PPARGC1A: variants seen among roughly 807,000 people sequenced by gnomAD.
PPARGC1A encodes the protein PPARG coactivator 1 alpha.
A neutral mutation model predicts 88.7 loss-of-function variants in PPARGC1A; 25 were observed. The observed-to-expected ratio is 0.28, with a 90% CI of 0.21 to 0.39. PPARGC1A has a LOEUF of 0.39. Among genes scored for constraint, PPARGC1A ranks in the 10% least tolerant of loss-of-function variants. The pLI is 1.00. For synonymous variants in PPARGC1A, 363 were observed against 355.6 expected, an observed-to-expected ratio of 1.02 and a Z score of -0.24; for missense variants, 880 against 968.7, an observed-to-expected ratio of 0.91 and a Z score of 1.22.
chr4:24,371,587 G>A, the PPARGC1A span, among the ~76,000 whole-genome samples: 1 of 152,036 alleles, frequency 6.6e-6, no homozygotes, highest in African/African-American at 2.4e-5. Flanking sequence ...GGGGGTGAGG[G>A]GAGAGTCCCT....
chr4:23,943,502 G>A, the PPARGC1A span, among the ~76,000 whole-genome samples: 30 of 150,928 alleles, frequency 2.0e-4, no homozygotes, highest in African/African-American at 6.8e-4. Context: ...ATGTGACATT[G>A]CCTGTAATAG....
At chr4:24,250,487 C>CGTA in the PPARGC1A span, among the ~76,000 whole-genome samples, 1 of 152,142 alleles carries the variant, frequency 6.6e-6, no homozygotes, top group Non-Finnish European at 1.5e-5. Flanking sequence ...AAAATGCCAT[C>CGTA]TACAGTATTA....
chr4:24,437,639 T>G, the PPARGC1A span, among the ~76,000 whole-genome samples: 2 of 142,880 alleles, frequency 1.4e-5, no homozygotes, highest in African/African-American at 2.6e-5. Flanking sequence ...TGTTGTTGTT[T>G]TAGTTTTGGT....
chr4:24,377,723 T>G, the PPARGC1A span, among the ~76,000 whole-genome samples: 1 of 152,156 alleles, frequency 6.6e-6, no homozygotes, highest in South Asian at 2.1e-4. Flanking sequence ...ATGTCAGTAA[T>G]AGGTATGTAA....
the PPARGC1A span, among the ~76,000 whole-genome samples, chr4:24,081,300 G>T: frequency 6.6e-6 from 1 of 152,116 alleles, no homozygotes; most frequent in African/African-American, 2.4e-5. Context: ...TAAGGCAAAA[G>T]GTGGGGTTAA....
chr4:24,132,466 A>G, the PPARGC1A span, among the ~76,000 whole-genome samples: 1 of 152,196 alleles, frequency 6.6e-6, no homozygotes, highest in Non-Finnish European at 1.5e-5. Flanking sequence ...AGAACTCTCG[A>G]GTAATACAGC....
the PPARGC1A span, among the ~76,000 whole-genome samples, chr4:24,163,259 T>G: frequency 6.7e-6 from 1 of 148,358 alleles, no homozygotes; most frequent in African/African-American, 2.5e-5. Context: ...AGTAAGAGAG[T>G]TTATCAATTC....
At chr4:23,931,511 G>A in the PPARGC1A span, among the ~76,000 whole-genome samples, 1 of 151,836 alleles carries the variant, frequency 6.6e-6, no homozygotes, top group Admixed American at 6.6e-5. Context: ...GGAGAATAAA[G>A]AAAGAATAGT....
chr4:23,987,557 G>A, the PPARGC1A span, among the ~76,000 whole-genome samples: 41 of 151,856 alleles, frequency 2.7e-4, no homozygotes, highest in Non-Finnish European at 5.6e-4. Flanking sequence ...CTGTGTCACT[G>A]CTTCCTGGAA....
At chr4:24,069,431 A>G in the PPARGC1A span, among the ~76,000 whole-genome samples, 1,050 of 152,332 alleles carry the variant, frequency 6.9e-3, 12 homozygotes, top group African/African-American at 0.024. Context: ...ACTTTTCTAG[A>G]CATTGAGTCT....
At chr4:24,368,494 G>A in the PPARGC1A span, among the ~76,000 whole-genome samples, 1 of 152,010 alleles carries the variant, frequency 6.6e-6, no homozygotes, top group African/African-American at 2.4e-5. Flanking sequence ...ATCCTTGTCT[G>A]AAGCTGGGTA....
the PPARGC1A span, among the ~76,000 whole-genome samples, chr4:24,430,082 T>C: frequency 6.6e-6 from 1 of 152,022 alleles, no homozygotes; most frequent in African/African-American, 2.4e-5. Flanking sequence ...GTGAAAGAAT[T>C]TAGATTATCC....
the PPARGC1A span, among the ~76,000 whole-genome samples, chr4:24,018,294 TTTC>T: frequency 6.6e-6 from 1 of 152,190 alleles, no homozygotes; most frequent in Non-Finnish European, 1.5e-5. Context: ...CAGGTACAGT[TTTC>T]TTTTTTCTTT....
chr4:24,171,187 G>A, the PPARGC1A span, among the ~76,000 whole-genome samples: 11 of 152,072 alleles, frequency 7.2e-5, no homozygotes, highest in East Asian at 1.9e-4. Flanking sequence ...TGAGACCGGC[G>A]GATCGGTCAA....
intron 2 of PPARGC1A, among the ~76,000 whole-genome samples, chr4:23,833,896 G>A (rs1373953120): frequency 6.6e-6 from 1 of 152,224 alleles, no homozygotes; most frequent in Non-Finnish European, 1.5e-5. Flanking sequence ...AGGGCACGGT[G>A]GCTCATGCCT....
chr4:23,997,098 G>A, the PPARGC1A span, among the ~76,000 whole-genome samples: 831 of 152,264 alleles, frequency 5.5e-3, 11 homozygotes, highest in African/African-American at 0.019. Context: ...GTTAAGATTT[G>A]AGTGTGCATA....
At chr4:23,910,371 T>TATATTATATATATTATA in the PPARGC1A span, among the ~76,000 whole-genome samples, 2 of 97,548 alleles carry the variant, frequency 2.1e-5, no homozygotes, top group Non-Finnish European at 3.8e-5. Context: ...ATATATTATA[T>TATATTATATATATTATA]TATATTATAT....
At chr4:24,065,117 C>T in the PPARGC1A span, among the ~76,000 whole-genome samples, 1 of 152,134 alleles carries the variant, frequency 6.6e-6, no homozygotes, top group African/African-American at 2.4e-5. Flanking sequence ...CTGATACCTC[C>T]CTCATCTCAT....
At chr4:24,329,089 C>T in the PPARGC1A span, among the ~76,000 whole-genome samples, 1 of 152,028 alleles carries the variant, frequency 6.6e-6, no homozygotes, top group Admixed American at 6.6e-5. Flanking sequence ...GATGCTATTA[C>T]GGGCTGACAA....
Sources: allele counts gnomAD v4.1 joint callset (sites outside exome capture counted in the v4.1 genomes callset), GRCh38; gene constraint gnomAD v4.1.1; transcripts MANE v1.5; gene names NCBI Gene and HGNC (gene_info 2026-07-23, HGNC 2026-07-21).